The following NEBL variants were observed in gnomAD, a reference collection of about 807,000 sequenced individuals.
The protein encoded by NEBL is LIM and SH3 protein 2.
Under a neutral mutation model 140.2 loss-of-function variants are expected in NEBL, and 122 were observed. The observed-to-expected ratio is 0.87, with a 90% CI of 0.75 to 1.01. NEBL has a LOEUF of 1.01. Ranked by LOEUF, NEBL falls within the 50% of genes least tolerant of loss-of-function variation. The pLI is 0.00. For missense variants in NEBL, 1,365 were observed against 1,231.3 expected, an observed-to-expected ratio of 1.11 and a Z score of -1.62; for synonymous variants, 436 against 398.9, an observed-to-expected ratio of 1.09 and a Z score of -1.11.
intron 3 of NEBL, among the ~76,000 whole-genome samples, chr10:21,238,319 A>G (rs1356270878): frequency 6.6e-6 from 1 of 152,182 alleles, no homozygotes; most frequent in Non-Finnish European, 1.5e-5. Flanking sequence ...TGAATGTCTA[A>G]AATAGTTTGT....
intron 26 of NEBL, among the ~76,000 whole-genome samples, chr10:20,798,110 CA>C (rs11453441): frequency 0.14 from 18,088 of 126,234 alleles, 2,365 homozygotes; most frequent in African/African-American, 0.38. Flanking sequence ...TTTCTAATTA[CA>C]AAAAAAAAAA....
chr10:21,081,139 G>A lies in NEBL; in HGVS notation c.165-60938C>T, dbSNP rs150616905. On this transcript the variant is annotated intron_variant, in intron 2 of 6. Transcript: ENST00000417816. ...CAAAGTGCTGGGAATACAGGCATGA[G>A]CCACCACACCTGGCTGATCTGGTAT... 3.0e-3 allele frequency among the ~76,000 whole-genome samples: 452 copies of A among 152,264 alleles called. 1 individual carries two copies. The highest frequency in any genetic ancestry group is 9.6e-3 in the African/African-American group (400 of 41,560).
rs562753093 is a variant in NEBL, at chr10:21,200,758, C to G, written n.349-28281G>C. ...CTGGCATACCTGGACCAATGTAGGC[C>G]AGCTGAATGTCATTTTGAATTTTGG... On this transcript the variant is annotated intron_variant and non_coding_transcript_variant, in intron 3 of 8. Transcript: ENST00000675702. 3.9e-5 allele frequency among the ~76,000 whole-genome samples: 6 copies of G among 152,180 alleles called. No homozygotes were observed. The South Asian group carries it at 1.2e-3, about 32-fold the overall frequency.
intron 13 of NEBL, among the ~76,000 whole-genome samples, chr10:20,839,355 A>C (rs1027820130): frequency 1.3e-5 from 2 of 152,198 alleles, no homozygotes; most frequent in Non-Finnish European, 2.9e-5. Context: ...TGACTAATGT[A>C]GGGTTAATGT....
In NEBL at chr10:21,169,056, AAAAAAAAAAAAATATATATATAT is replaced by A. The variant is rs1840931246; in HGVS notation, c.164+3304_164+3326del. Among the ~76,000 whole-genome samples, 4 of 49,480 alleles carry A rather than the reference AAAAAAAAAAAAATATATATATAT, an allele frequency of 8.1e-5. 1 individual carries two copies. Among genetic ancestry groups the A allele is most frequent in the African/African-American group, 3.1e-4 (4 of 12,796 alleles). 32.5% of individuals were successfully genotyped at this position (49,480 alleles called of 152,430 possible). ...AGAGTGAGACTCCGTCTACAAAAAAAAAAAAAAAAAAATATATATATATATATATATATATATATATATATATA... is the reference window on the plus strand; with the variant it reads ...AGAGTGAGACTCCGTCTACAAAAAAAATATATATATATATATATATATATA... On this transcript the variant is annotated intron_variant, in intron 2 of 6. Transcript: ENST00000417816.
At chr10:21,261,521 G>C (rs1002159809) in intron 1 of NEBL, among the ~76,000 whole-genome samples, 1 of 151,848 alleles carries the variant, frequency 6.6e-6, no homozygotes, top group East Asian at 1.9e-4. Context: ...TCAGCCAGGC[G>C]TGGTGGTCCC....
chr10:21,105,765 G>C (rs1329212042), intron 2 of NEBL, among the ~76,000 whole-genome samples: 3 of 152,166 alleles, frequency 2.0e-5, no homozygotes, highest in African/African-American at 7.2e-5. Flanking sequence ...TCGCCACACT[G>C]TTTTCCACAA....
chr10:20,870,198 C>T (rs1055782614), intron 5 of NEBL, among the ~76,000 whole-genome samples: 4 of 151,432 alleles, frequency 2.6e-5, no homozygotes, highest in Non-Finnish European at 5.9e-5. Flanking sequence ...ATGGTGTGTG[C>T]GCCTGTAATC....
chr10:21,244,275 C>G (rs1842486391), intron 3 of NEBL, among the ~76,000 whole-genome samples: 1 of 151,852 alleles, frequency 6.6e-6, no homozygotes, highest in Admixed American at 6.6e-5. Context: ...AAGTGATTCT[C>G]CTGCCTCAGC....
At chr10:20,886,304 C>T (rs1283070767) in intron 4 of NEBL, among the ~76,000 whole-genome samples, 1 of 152,028 alleles carries the variant, frequency 6.6e-6, no homozygotes, top group Non-Finnish European at 1.5e-5. Context: ...GGGCAGATCG[C>T]CTGAGGTCAG....
At chr10:20,874,256 C>T (rs1845262999) in intron 5 of NEBL, among the ~76,000 whole-genome samples, 1 of 152,152 alleles carries the variant, frequency 6.6e-6, no homozygotes, top group African/African-American at 2.4e-5. Flanking sequence ...TTGGAAACAG[C>T]TCCCCCATCA....
chr10:21,006,093 G>T (rs753807285), intron 3 of NEBL, among the ~76,000 whole-genome samples: 1 of 152,110 alleles, frequency 6.6e-6, no homozygotes, highest in African/African-American at 2.4e-5. Flanking sequence ...TACCTCCAAG[G>T]CATGTGGCTA....
chr10:21,006,334 T>C (rs1160992896), intron 3 of NEBL, among the ~76,000 whole-genome samples: 1 of 152,236 alleles, frequency 6.6e-6, no homozygotes, highest in African/African-American at 2.4e-5. Flanking sequence ...CGTATTTGTG[T>C]CTTTCAGGTT....
chr10:21,025,256 A>G (rs1297297317), intron 2 of NEBL, among the ~76,000 whole-genome samples: 1 of 152,220 alleles, frequency 6.6e-6, no homozygotes, highest in African/African-American at 2.4e-5. Context: ...GAGCTGGTTG[A>G]GAGATGTGGG....
At chr10:20,822,420 T>G (rs1489320046) in intron 19 of NEBL, among the ~76,000 whole-genome samples, 1 of 151,784 alleles carries the variant, frequency 6.6e-6, no homozygotes, top group Non-Finnish European at 1.5e-5. Flanking sequence ...TTCATAGATA[T>G]CTATACCTAT....
At chr10:20,992,529 G>A (rs969371555) in intron 3 of NEBL, among the ~76,000 whole-genome samples, 11 of 152,126 alleles carry the variant, frequency 7.2e-5, no homozygotes, top group Non-Finnish European at 1.5e-4. Context: ...CTAGGACCCA[G>A]AAACCCATGA....
chr10:21,209,585 A>C (rs1016830275), intron 3 of NEBL, among the ~76,000 whole-genome samples: 16 of 151,994 alleles, frequency 1.1e-4, no homozygotes, highest in African/African-American at 3.9e-4. Flanking sequence ...ACATAAGCAG[A>C]AGTCTGCAGG....
At chr10:20,952,057 TA>T (rs1200616482) in intron 4 of NEBL, among the ~76,000 whole-genome samples, 1 of 152,140 alleles carries the variant, frequency 6.6e-6, no homozygotes, top group Non-Finnish European at 1.5e-5. Context: ...CTGGAAAACT[TA>T]AAAACTTCAC....
intron 4 of NEBL, among the ~76,000 whole-genome samples, chr10:20,953,317 G>T (rs116597023): frequency 6.6e-6 from 1 of 152,054 alleles, no homozygotes; most frequent in Non-Finnish European, 1.5e-5. Flanking sequence ...ACACACCAAC[G>T]AAAGGCCACA....
Sources: gnomAD v4.1 joint callset for allele counts (sites outside exome capture counted in the v4.1 genomes callset) on GRCh38, gnomAD v4.1.1 for gene constraint, MANE v1.5 for transcripts, NCBI Gene and HGNC (gene_info 2026-07-23, HGNC 2026-07-21) for gene names.